The following AMBRA1 variants were observed in gnomAD, a reference collection of about 807,000 sequenced individuals.
AMBRA1 encodes autophagy and beclin 1 regulator 1, also known as activating molecule in BECN1-regulated autophagy protein 1.
A neutral mutation model predicts 125.4 loss-of-function variants in AMBRA1; 47 were observed. The observed-to-expected ratio is 0.37, with a 90% CI of 0.30 to 0.48. AMBRA1 has a LOEUF of 0.48. Ranked by LOEUF, AMBRA1 falls within the 20% of genes least tolerant of loss-of-function variation. The probability of loss-of-function intolerance (pLI) is 0.99; values close to 1 mark genes in which losing one functional copy is unlikely to be tolerated. For missense variants in AMBRA1, 1,331 were observed against 1,693.4 expected, an observed-to-expected ratio of 0.79 and a Z score of 3.76; for synonymous variants, 626 against 655.5, an observed-to-expected ratio of 0.95 and a Z score of 0.69.
Position 46,435,040 on chromosome 11 carries a change from G to T in AMBRA1, c.2633-3C>A, listed in dbSNP as rs1469126227. 2 of 1,596,316 alleles carry T rather than the reference G, an allele frequency of 1.3e-6. No individual in the cohort carries two copies. The highest frequency in any genetic ancestry group is 8.5e-7 in the Non-Finnish European group (1 of 1,171,824). Reference sequence around the variant, plus strand: ...CTGCACCAGCACATTCACGGAAGCTGCATCAGACAAAGAAAGAAAAGAGGA... The same window carrying T: ...CTGCACCAGCACATTCACGGAAGCTTCATCAGACAAAGAAAGAAAAGAGGA... On this transcript the variant is annotated splice_polypyrimidine_tract_variant and splice_region_variant and intron_variant, in intron 12 of 17. Coordinates refer to ENST00000683756, the MANE Select transcript of AMBRA1 (RefSeq NM_001387011.1).
intron 5 of AMBRA1, among the ~76,000 whole-genome samples, chr11:46,544,670 G>T (rs530936981): frequency 1.3e-5 from 2 of 152,194 alleles, no homozygotes; most frequent in South Asian, 2.1e-4. Flanking sequence ...CTTCTTTCAG[G>T]TTTTCCCAAA....
At chr11:46,417,007 C>T (rs1170682983) in intron 15 of AMBRA1, among the ~76,000 whole-genome samples, 3 of 152,122 alleles carry the variant, frequency 2.0e-5, no homozygotes, top group Non-Finnish European at 4.4e-5. Flanking sequence ...CCCTCCTACT[C>T]CCTACTTCAA....
intron 11 of AMBRA1, among the ~76,000 whole-genome samples, chr11:46,449,585 CA>C (rs1223758783): frequency 2.0e-5 from 3 of 152,170 alleles, no homozygotes; most frequent in Non-Finnish European, 4.4e-5. Flanking sequence ...AGTACTGTTA[CA>C]ATGTCAATTC....
rs190559478 is a variant in AMBRA1 at position 46,429,795 on chromosome 11, A to C, written c.2976+3679T>G. On this transcript the variant is annotated intron_variant, in intron 14 of 17. Transcript: ENST00000683756. ...AATTAGAAAATGAAAGCCGAGAGGG[A>C]ACACAGGCAGTTTAGTGTTTTGAGA... is the stretch of plus-strand genomic sequence containing the variant. 1.2e-3 allele frequency among the ~76,000 whole-genome samples: 180 copies of C among 152,238 alleles called. 1 individual carries two copies. Among genetic ancestry groups the C allele is most frequent in the African/African-American group, 3.9e-3 (160 of 41,538 alleles).
chr11:46,461,936 A>G (rs1397161832), intron 11 of AMBRA1, among the ~76,000 whole-genome samples: 3 of 152,206 alleles, frequency 2.0e-5, no homozygotes, highest in Non-Finnish European at 4.4e-5. Context: ...CCTGAAAAGA[A>G]GAAAGACTTA....
rs1004952416 is a variant in AMBRA1 at position 46,588,628 on chromosome 11, C to A, written c.-121+5200G>T. 6.0e-5 allele frequency among the ~76,000 whole-genome samples: 9 copies of A among 150,764 alleles called. No homozygotes were observed. The East Asian group carries it at 1.6e-3, about 26-fold the overall frequency. ...CCGTCTCTACTAAAAAAAAAAAGTA[C>A]AAAAATTAGCCAGCCACATGCCTGT... On this transcript the variant is annotated intron_variant, in intron 1 of 17. Coordinates refer to ENST00000683756, the MANE Select transcript of AMBRA1 (RefSeq NM_001387011.1).
intron 17 of AMBRA1, among the ~76,000 whole-genome samples, chr11:46,403,544 G>C (rs1048852934): frequency 3.6e-4 from 55 of 152,328 alleles, no homozygotes; most frequent in African/African-American, 1.3e-3. Flanking sequence ...AGCTAGGGAG[G>C]CACTGTCATC....
chr11:46,439,712 G>A (rs1947909864), intron 12 of AMBRA1, among the ~76,000 whole-genome samples: 1 of 152,104 alleles, frequency 6.6e-6, no homozygotes, highest in South Asian at 2.1e-4. Context: ...ATGACAAGTA[G>A]GAAGCTCCTA....
rs1188213962 is a variant in AMBRA1 at position 46,396,947 on chromosome 11, TG to T, written c.*502del. Reference sequence around the variant, plus strand: ...CTGGCCCGATCCCTGTTGGTTTCAGTGGGGTAAGACGACGAAGAGAGGCTGA... The same window carrying T: ...CTGGCCCGATCCCTGTTGGTTTCAGTGGGTAAGACGACGAAGAGAGGCTGA... On this transcript the variant is annotated 3_prime_UTR_variant, in exon 18 of 18. Transcript: ENST00000683756. 4 of 152,938 alleles carry T rather than the reference TG, an allele frequency of 2.6e-5. No homozygotes were observed. The highest frequency in any genetic ancestry group is 4.4e-5 in the Non-Finnish European group (3 of 68,338). The allele number at this position is 152,938 out of a possible 1,614,324, so 9.5% of individuals were successfully genotyped here.
chr11:46,510,457 T>C (rs958263384), intron 8 of AMBRA1, among the ~76,000 whole-genome samples: 3 of 152,132 alleles, frequency 2.0e-5, no homozygotes, highest in African/African-American at 4.8e-5. Context: ...GAAAAGAATA[T>C]ACAAGGAGAA....
At chr11:46,421,203 C>T (rs567763571) in intron 14 of AMBRA1, among the ~76,000 whole-genome samples, 1 of 152,120 alleles carries the variant, frequency 6.6e-6, no homozygotes, top group Non-Finnish European at 1.5e-5. Flanking sequence ...AATGTTGAGA[C>T]CCCCGGGTTG....
chr11:46,398,562 G>A (rs1228885153), intron 17 of AMBRA1, among the ~76,000 whole-genome samples: 1 of 152,130 alleles, frequency 6.6e-6, no homozygotes, highest in East Asian at 1.9e-4. Context: ...TCAGCTCACT[G>A]CAAGCTCTAC....
At chr11:46,559,647 C>A (rs1164839463) in intron 1 of AMBRA1, among the ~76,000 whole-genome samples, 1 of 152,092 alleles carries the variant, frequency 6.6e-6, no homozygotes, top group African/African-American at 2.4e-5. Context: ...AATTTACTCC[C>A]TAAGAAAGCT....
rs2044696132 is a variant in AMBRA1 at position 46,593,913 on chromosome 11, AG to A, written c.-207del. The A allele has an allele frequency of 2.5e-6, 1 of 398,496 alleles. No individual in the cohort carries two copies. The highest frequency in any genetic ancestry group is 1.3e-4 in the South Asian group (1 of 7,826). The allele number at this position is 398,496 out of a possible 1,614,324, so 24.7% of individuals were successfully genotyped here. The stretch of plus-strand genomic sequence containing the variant: ...AGAAAGAGGAGACAGGAATAAAGGA[AG>A]GGGTCCGTTCTACCGACCGGCAGGA... On this transcript the variant is annotated 5_prime_UTR_variant, in exon 1 of 18. Coordinates refer to ENST00000683756, the MANE Select transcript of AMBRA1 (RefSeq NM_001387011.1).
chr11:46,409,209 CTTTT>C (rs750273261), intron 16 of AMBRA1, among the ~76,000 whole-genome samples: 2 of 145,670 alleles, frequency 1.4e-5, no homozygotes, highest in African/African-American at 5.0e-5. Context: ...AACTGGAACT[CTTTT>C]TTTTTTTTTG....
chr11:46,504,189 T>C (rs1247113651), intron 9 of AMBRA1, among the ~76,000 whole-genome samples: 1 of 152,176 alleles, frequency 6.6e-6, no homozygotes, highest in African/African-American at 2.4e-5. Context: ...GAATATGGGC[T>C]AGGGAGGATT....
intron 14 of AMBRA1, chr11:46,429,201 C>A (rs867316618): frequency 1.3e-4 from 192 of 1,424,682 alleles, no homozygotes; most frequent in Admixed American, 3.1e-4. Flanking sequence ...CTCCCTCGGA[C>A]AATCTTCGCC....
chr11:46,547,872 C>A lies in AMBRA1; in HGVS notation c.139G>T (p.Val47Leu). Reference sequence around the variant, plus strand: ...GAGCGTGGACTATCCGGCAGTTCTACTCTCTGGGAGACAAAAAAAAAAAAA... The same window carrying A: ...GAGCGTGGACTATCCGGCAGTTCTAATCTCTGGGAGACAAAAAAAAAAAAA... ...TRWMKWEGKR[V>L]ELPDSPRSTF... Residue 47 changes from valine to leucine, a missense_variant, in exon 3 of 18, where the codon GTA (valine) becomes TTA (leucine). By Grantham distance (32) the Val-to-Leu change is conservative. Around this residue, in one of 4 missense-constraint regions of AMBRA1, gnomAD observed 144 missense variants for 250.4 expected, o/e 0.58. Coordinates refer to ENST00000683756, the MANE Select transcript of AMBRA1 (RefSeq NM_001387011.1). The A allele has an allele frequency of 6.3e-7, 1 of 1,597,946 alleles. No individual in the cohort carries two copies. The highest frequency in any genetic ancestry group is 8.5e-7 in the Non-Finnish European group (1 of 1,173,598).
chr11:46,585,991 A>G lies in AMBRA1; in HGVS notation c.-121+7837T>C, dbSNP rs538160361. On this transcript the variant is annotated intron_variant, in intron 1 of 17. Transcript: ENST00000683756. Reference sequence around the variant, plus strand: ...CAGCTAATTTGTATTTTTAGCAGAGACAGGGTTTCTCCACGTTGGTCAGGC... The same window carrying G: ...CAGCTAATTTGTATTTTTAGCAGAGGCAGGGTTTCTCCACGTTGGTCAGGC... Among the ~76,000 whole-genome samples, 19 of 151,450 alleles carry G rather than the reference A, an allele frequency of 1.3e-4. No homozygotes were observed. In the South Asian group the frequency reaches 3.7e-3, roughly 30 times the overall value.
Sources: allele counts gnomAD v4.1 joint callset (sites outside exome capture counted in the v4.1 genomes callset), GRCh38; gene constraint gnomAD v4.1.1; regional missense constraint gnomAD v4.1.1; transcripts MANE v1.5; gene names NCBI Gene and HGNC (gene_info 2026-07-23, HGNC 2026-07-21).